The following KDM7A variants were observed in gnomAD, a reference collection of about 807,000 sequenced individuals.
KDM7A encodes the protein lysine demethylase 7A.
A neutral mutation model predicts 114.8 loss-of-function variants in KDM7A; 28 were observed. That is an observed-to-expected ratio of 0.24 (90% CI 0.18 to 0.33). The LOEUF (loss-of-function observed/expected upper bound fraction) is 0.33. Ranked by LOEUF, KDM7A falls within the 10% of genes least tolerant of loss-of-function variation. The probability of loss-of-function intolerance (pLI) is 1.00; values close to 1 mark genes in which losing one functional copy is unlikely to be tolerated. For missense variants in KDM7A, 942 were observed against 1,142.5 expected (o/e 0.82, Z 2.53); for synonymous variants, 423 against 397.8 (o/e 1.06, Z -0.75).
At chr7:140,158,569 A>C (rs567940192) in intron 1 of KDM7A, among the ~76,000 whole-genome samples, 221 of 152,352 alleles carry the variant, frequency 1.5e-3, no homozygotes, top group African/African-American at 5.0e-3. Flanking sequence ...TGGCCTACCT[A>C]CTATTCATCC....
At position 140,087,219 on chromosome 7, in the gene KDM7A, C is replaced by T. The variant is rs1307567753; in HGVS notation, c.*3875G>A. ...CATTTTAATTCCATGACTTCCTTCA[C>T]CTTTATCTAGTACCTGAAGAGTATG... On this transcript the variant is annotated 3_prime_UTR_variant, in exon 20 of 20. Coordinates refer to ENST00000397560, the MANE Select transcript of KDM7A (RefSeq NM_030647.2). 1 of 152,202 alleles carries T rather than the reference C, an allele frequency of 6.6e-6. No homozygotes were observed. The highest frequency in any genetic ancestry group is 6.5e-5 in the Admixed American group (1 of 15,276). 9.4% of individuals were successfully genotyped at this position (152,202 alleles called of 1,614,324 possible).
intron 8 of KDM7A, among the ~76,000 whole-genome samples, chr7:140,119,456 C>T (rs572556264): frequency 3.3e-5 from 5 of 152,316 alleles, no homozygotes; most frequent in East Asian, 1.9e-4. Context: ...AGATCAGGAT[C>T]ACACTTTGGG....
chr7:140,120,676 T>C (rs1049556291), intron 7 of KDM7A, 147 bp from the exon 8 acceptor site: 2 of 546,316 alleles, frequency 3.7e-6, no homozygotes, highest in Non-Finnish European at 6.5e-6. Context: ...TTACAATCTA[T>C]AGATTTAATT....
At chr7:140,112,812 C>CAA (rs1261024560) in intron 10 of KDM7A, among the ~76,000 whole-genome samples, 1 of 152,076 alleles carries the variant, frequency 6.6e-6, no homozygotes, top group Non-Finnish European at 1.5e-5. Context: ...CCCATAGGCA[C>CAA]AAGAAATATA....
At chr7:140,147,454 T>C (rs1794351081) in intron 1 of KDM7A, among the ~76,000 whole-genome samples, 1 of 152,222 alleles carries the variant, frequency 6.6e-6, no homozygotes, top group Admixed American at 6.5e-5. Context: ...TCATCTTTCC[T>C]TAGACAGTAG....
At position 140,094,124 on chromosome 7, in the gene KDM7A, T is replaced by G. The variant is rs767963290; in HGVS notation, c.2389A>C (p.Thr797Pro). ...KPVECGYHVK[T>P]EDPDLRTSSW... ...GAAGTCCTCAAGTCTGGATCTTCAG[T>G]CTTGACATGGTATCCTAAAGAGAAG... Residue 797 changes from threonine to proline, a missense_variant, in exon 18 of 20, where the codon ACT becomes CCT. By Grantham distance (38) the Thr-to-Pro change is conservative. Coordinates refer to ENST00000397560, the MANE Select transcript of KDM7A (RefSeq NM_030647.2). 2.5e-6 allele frequency: 4 copies of G among 1,589,026 alleles called. No homozygotes were observed. Among genetic ancestry groups the G allele is most frequent in the Non-Finnish European group, 2.6e-6 (3 of 1,157,044 alleles).
At chr7:140,102,660 T>C (rs1272916282) in intron 11 of KDM7A, among the ~76,000 whole-genome samples, 2 of 152,174 alleles carry the variant, frequency 1.3e-5, no homozygotes, top group Non-Finnish European at 2.9e-5. Context: ...GGTGTTAAAT[T>C]AGCCACTGCA....
intron 8 of KDM7A, among the ~76,000 whole-genome samples, chr7:140,119,900 C>T (rs1319600118): frequency 1.3e-5 from 2 of 152,192 alleles, no homozygotes; most frequent in African/African-American, 4.8e-5. Flanking sequence ...AGTCCTGATG[C>T]AGTTTATCAA....
chr7:140,094,777 C>T (rs973273124), intron 17 of KDM7A: 1 of 152,250 alleles, frequency 6.6e-6, no homozygotes, highest in Admixed American at 6.5e-5. Flanking sequence ...TTATAAACAC[C>T]ATACTCAGAC....
intron 4 of KDM7A, 133 bp from the exon 5 acceptor site, chr7:140,127,716 C>T (rs983157681): frequency 7.5e-6 from 6 of 795,978 alleles, no homozygotes; most frequent in Non-Finnish European, 1.0e-5. Context: ...AAATATTTTC[C>T]CTATACTCTT....
At chr7:140,152,623 CAAA>C (rs35127641) in intron 1 of KDM7A, among the ~76,000 whole-genome samples, 1 of 128,910 alleles carries the variant, frequency 7.8e-6, no homozygotes. Context: ...GACTCCGTTT[CAAA>C]AAAAAAAAAA....
chr7:140,091,756 T>A, intron 19 of KDM7A, 48 bp downstream of exon 19: 1 of 1,594,218 alleles, frequency 6.3e-7, no homozygotes, highest in Non-Finnish European at 8.6e-7. Context: ...ATGATGACCA[T>A]CACATACAGT....
At chr7:140,094,507 G>A (rs1362872268) in intron 17 of KDM7A, among the ~76,000 whole-genome samples, 1 of 149,960 alleles carries the variant, frequency 6.7e-6, no homozygotes, top group Admixed American at 6.6e-5. Flanking sequence ...TCCATCTTGG[G>A]GGAAAAAAAA....
chr7:140,133,762 T>A (rs771871911), intron 2 of KDM7A, 106 bp from the exon 3 acceptor site: 2 of 584,772 alleles, frequency 3.4e-6, no homozygotes, highest in Non-Finnish European at 5.8e-6. Flanking sequence ...TGTAAGTACA[T>A]TAAAAACACT....
chr7:140,170,747 A>G (rs1474725056), intron 1 of KDM7A, among the ~76,000 whole-genome samples: 1 of 152,236 alleles, frequency 6.6e-6, no homozygotes, highest in Non-Finnish European at 1.5e-5. Context: ...CGAGAATGTA[A>G]GTCACAAGAC....
At chr7:140,161,084 T>C (rs1794513916) in intron 1 of KDM7A, among the ~76,000 whole-genome samples, 1 of 152,210 alleles carries the variant, frequency 6.6e-6, no homozygotes, top group South Asian at 2.1e-4. Flanking sequence ...ATCAGACCTG[T>C]GACAAGTTAA....
At chr7:140,147,618 TA>T (rs1159394050) in intron 1 of KDM7A, among the ~76,000 whole-genome samples, 1 of 152,156 alleles carries the variant, frequency 6.6e-6, no homozygotes, top group Non-Finnish European at 1.5e-5. Context: ...TGTGTACCCC[TA>T]AAGTCCCACA....
chr7:140,122,595 T>A (rs147365279), intron 7 of KDM7A, among the ~76,000 whole-genome samples: 18 of 152,314 alleles, frequency 1.2e-4, no homozygotes, highest in Non-Finnish European at 1.9e-4. Context: ...CAGGGACAGA[T>A]CCCTGTGAAC....
At position 140,176,728 on chromosome 7, in the gene KDM7A, G is replaced by A; in HGVS notation, c.194+16C>T. 1.5e-6 allele frequency: 2 copies of A among 1,301,792 alleles called. No individual in the cohort carries two copies. The highest frequency in any genetic ancestry group is 4.3e-5 in the East Asian group (1 of 23,374). The allele number at this position is 1,301,792 out of a possible 1,614,324, so 80.6% of individuals were successfully genotyped here. ...GCCGGCGGTGGCGGCTGCGGGGCTG[G>A]AGGGGGTTTATTTACCTGCCGTGGA... is the stretch of plus-strand genomic sequence containing the variant. On this transcript the variant is annotated intron_variant, in intron 1 of 19. Transcript: ENST00000397560. The surrounding 1 kb of genome is among the most constrained non-coding windows in gnomAD (Gnocchi z 4.4).
Sources: gnomAD v4.1 joint callset for allele counts (sites outside exome capture counted in the v4.1 genomes callset) on GRCh38, gnomAD v4.1.1 for gene constraint, Gnocchi (gnomAD v3.1) non-coding constraint, MANE v1.5 for transcripts, NCBI Gene and HGNC (gene_info 2026-07-23, HGNC 2026-07-21) for gene names.